TSHZ2: variants seen among roughly 807,000 people sequenced by gnomAD.
The protein encoded by TSHZ2 is teashirt zinc finger homeobox 2.
A neutral mutation model predicts 74.4 loss-of-function variants in TSHZ2; 21 were observed. That is an observed-to-expected ratio of 0.28 (90% CI 0.20 to 0.41). The LOEUF (loss-of-function observed/expected upper bound fraction) is 0.41, where lower values mean the gene tolerates loss of function less well. TSHZ2 is among the 10% of genes least tolerant of loss of function. TSHZ2 has a pLI of 1.00. For synonymous variants in TSHZ2, 540 were observed against 515.3 expected (o/e 1.05, Z -0.65); for missense variants, 1,244 against 1,293.5 (o/e 0.96, Z 0.59).
intron 1 of TSHZ2, among the ~76,000 whole-genome samples, chr20:53,048,238 C>T (rs1011506210): frequency 2.0e-5 from 3 of 152,132 alleles, no homozygotes; most frequent in Non-Finnish European, 4.4e-5. Flanking sequence ...TGGCCTTTCC[C>T]GTTGTTCTTT....
chr20:53,301,236 G>A (rs112874123), intron 2 of TSHZ2, among the ~76,000 whole-genome samples: 1 of 152,162 alleles, frequency 6.6e-6, no homozygotes, highest in African/African-American at 2.4e-5. Flanking sequence ...GGGATAAAAG[G>A]CATGAGCCAC....
At chr20:52,999,484 G>A (rs933742750) in intron 1 of TSHZ2, among the ~76,000 whole-genome samples, 6 of 152,360 alleles carry the variant, frequency 3.9e-5, no homozygotes, top group South Asian at 2.1e-4. Context: ...GCCAGTGTGC[G>A]ATAGGTCTCC....
At chr20:53,229,590 G>A (rs1457723787) in intron 1 of TSHZ2, among the ~76,000 whole-genome samples, 1 of 152,098 alleles carries the variant, frequency 6.6e-6, no homozygotes, top group African/African-American at 2.4e-5. Flanking sequence ...CACACGGTAG[G>A]GGCTCAGCTT....
intron 1 of TSHZ2, among the ~76,000 whole-genome samples, chr20:53,007,295 C>T (rs185544922): frequency 1.5e-4 from 23 of 152,154 alleles, no homozygotes; most frequent in African/African-American, 5.5e-4. Context: ...AAGGTTGGCA[C>T]GATCGGCTCC....
chr20:53,248,048 T>C (rs1305569756), intron 1 of TSHZ2, among the ~76,000 whole-genome samples: 1 of 152,276 alleles, frequency 6.6e-6, no homozygotes, highest in East Asian at 1.9e-4. Flanking sequence ...GTGGTATAGT[T>C]TTAAAAATAA....
intron 1 of TSHZ2, among the ~76,000 whole-genome samples, chr20:53,035,127 C>T (rs1428805639): frequency 6.6e-6 from 1 of 152,192 alleles, no homozygotes. Flanking sequence ...AGAGAGAAGG[C>T]ACCTGGCCTC....
At chr20:53,337,824 T>C (rs1046516186) in intron 2 of TSHZ2, among the ~76,000 whole-genome samples, 3 of 152,194 alleles carry the variant, frequency 2.0e-5, no homozygotes, top group African/African-American at 7.2e-5. Context: ...GAAACCCTGT[T>C]AAAGAAAAAT....
At position 53,120,330 on chromosome 20, in the gene TSHZ2, C is replaced by T. The variant is rs564349234; in HGVS notation, c.41-133169C>T. Among the ~76,000 whole-genome samples, 3 of 152,242 alleles carry T rather than the reference C, an allele frequency of 2.0e-5. No homozygotes were observed. In the South Asian group the frequency reaches 6.2e-4, roughly 32 times the overall value. ...CAGCCACACTACAAAGTATGATAAT[C>T]GTTCAAAACATAATTGAAAGATTTC... On this transcript the variant is annotated intron_variant, in intron 1 of 2. Transcript: ENST00000371497.
chr20:53,218,538 G>T (rs189640549), intron 1 of TSHZ2, among the ~76,000 whole-genome samples: 1 of 152,120 alleles, frequency 6.6e-6, no homozygotes, highest in Non-Finnish European at 1.5e-5. Context: ...CTACCGCATT[G>T]GTTCTATATT....
intron 2 of TSHZ2, among the ~76,000 whole-genome samples, chr20:53,462,105 C>T (rs1369658631): frequency 1.3e-5 from 2 of 151,768 alleles, no homozygotes; most frequent in Non-Finnish European, 2.9e-5. Flanking sequence ...AGAAAAAAAA[C>T]TAGCAGGGCA....
Position 53,254,291 on chromosome 20 carries a change from T to C in TSHZ2, c.833T>C (p.Met278Thr). Residue 278 changes from methionine (M) to threonine (T), a missense_variant, in exon 2 of 3, where the codon ATG becomes ACG. Transcript: ENST00000371497. ...KEDAQKVLKC[M>T]FCGDSFDSLQ... ...GATGCTCAAAAGGTTCTGAAATGTA[T>C]GTTTTGTGGCGACTCCTTTGATTCC... 1 of 1,614,190 alleles carries C rather than the reference T, an allele frequency of 6.2e-7. No homozygotes were observed. Among genetic ancestry groups the C allele is most frequent in the Non-Finnish European group, 8.5e-7 (1 of 1,180,022 alleles).
intron 1 of TSHZ2, among the ~76,000 whole-genome samples, chr20:52,979,184 C>CT (rs555557893): frequency 2.1e-4 from 31 of 149,430 alleles, no homozygotes; most frequent in Middle Eastern, 3.4e-3. Context: ...TTTATAATTT[C>CT]TTTTTTTTTT....
intron 2 of TSHZ2, among the ~76,000 whole-genome samples, chr20:53,480,880 G>A (rs143113305): frequency 4.6e-5 from 7 of 152,312 alleles, no homozygotes; most frequent in African/African-American, 9.6e-5. Flanking sequence ...GTCATTCTAC[G>A]CATCTGTTGG....
chr20:53,295,826 G>A (rs538777790), intron 2 of TSHZ2, among the ~76,000 whole-genome samples: 4 of 152,248 alleles, frequency 2.6e-5, no homozygotes, highest in African/African-American at 9.6e-5. Context: ...ATTTGAACTT[G>A]ACACTTTGAG....
chr20:53,383,224 C>G (rs1287847775), intron 2 of TSHZ2, among the ~76,000 whole-genome samples: 4 of 150,664 alleles, frequency 2.7e-5, no homozygotes, highest in Admixed American at 2.6e-4. Flanking sequence ...GATTGTGCCA[C>G]TGCACTCAAG....
chr20:53,180,870 T>C lies in TSHZ2; in HGVS notation c.41-72629T>C, dbSNP rs537725075. Among the ~76,000 whole-genome samples the C allele has an allele frequency of 9.2e-5, 14 of 152,278 alleles. No individual in the cohort carries two copies. The East Asian group carries it at 2.7e-3, about 29-fold the overall frequency. Reference sequence around the variant, plus strand: ...GAGTCAGACATGTGGCTCCTAGGAATTGGAGCTTTTGTTTTGCAGAATAAT... The same window carrying C: ...GAGTCAGACATGTGGCTCCTAGGAACTGGAGCTTTTGTTTTGCAGAATAAT... On this transcript the variant is annotated intron_variant, in intron 1 of 2. Transcript: ENST00000371497.
At chr20:53,374,998 G>A (rs1981610325) in intron 2 of TSHZ2, among the ~76,000 whole-genome samples, 1 of 151,422 alleles carries the variant, frequency 6.6e-6, no homozygotes, top group Non-Finnish European at 1.5e-5. Flanking sequence ...GTTTTTATGG[G>A]CATATTTTTA....
At chr20:53,209,642 C>T (rs112506016) in intron 1 of TSHZ2, among the ~76,000 whole-genome samples, 9 of 152,346 alleles carry the variant, frequency 5.9e-5, no homozygotes, top group African/African-American at 2.2e-4. Flanking sequence ...CCCTCCCATT[C>T]TACTTCCAAA....
Position 53,255,156 on chromosome 20 carries a change from G to T in TSHZ2, c.1698G>T (p.Gln566His). 1.9e-6 allele frequency: 3 copies of T among 1,614,170 alleles called. No homozygotes were observed. The highest frequency in any genetic ancestry group is 2.5e-6 in the Non-Finnish European group (3 of 1,180,034). Residue 566 changes from glutamine to histidine, a missense_variant, in exon 2 of 3, where the codon CAG (glutamine) becomes CAT (histidine). Gln to His is a conservative substitution (Grantham distance 24). Coordinates refer to ENST00000371497, the MANE Select transcript of TSHZ2 (RefSeq NM_173485.6). The surrounding 1 kb of genome is among the most constrained non-coding windows in gnomAD (Gnocchi z 4.1). ...PPLPMGSQVL[Q>H]IRPNLTNKLR... ...TGCCTATGGGATCCCAGGTACTGCA[G>T]ATCCGGCCTAATCTCACCAACAAGC... is the stretch of plus-strand genomic sequence containing the variant.
Sources: allele counts gnomAD v4.1 joint callset (sites outside exome capture counted in the v4.1 genomes callset), GRCh38; gene constraint gnomAD v4.1.1; non-coding constraint Gnocchi (gnomAD v3.1); transcripts MANE v1.5; gene names NCBI Gene and HGNC (gene_info 2026-07-23, HGNC 2026-07-21).